LRFN5: variants seen among roughly 807,000 people sequenced by gnomAD.
The protein encoded by LRFN5 is leucine-rich repeat and fibronectin type-III domain-containing protein 5.
In LRFN5, 24 loss-of-function variants were observed where a neutral mutation model predicts 45.6. That is an observed-to-expected ratio of 0.53 (90% CI 0.38 to 0.74). The LOEUF (loss-of-function observed/expected upper bound fraction) is 0.74, where lower values mean the gene tolerates loss of function less well. Ranked by LOEUF, LRFN5 falls within the 30% of genes least tolerant of loss-of-function variation. LRFN5 has a pLI of 0.00. For missense variants in LRFN5, 776 were observed against 861.5 expected (o/e 0.90, Z 1.24); for synonymous variants, 340 against 313.8 (o/e 1.08, Z -0.88).
intron 2 of LRFN5, among the ~76,000 whole-genome samples, chr14:41,839,639 A>G (rs957441032): frequency 3.3e-5 from 5 of 152,128 alleles, no homozygotes; most frequent in Non-Finnish European, 7.4e-5. Flanking sequence ...TGAGCCATTG[A>G]TTTTCTTTAT....
chr14:41,823,856 T>C (rs1408796778), intron 2 of LRFN5, among the ~76,000 whole-genome samples: 1 of 152,152 alleles, frequency 6.6e-6, no homozygotes, highest in Non-Finnish European at 1.5e-5. Context: ...AAAGACTTTG[T>C]TCATTTTTAA....
intron 4 of LRFN5, chr14:41,892,946 C>T (rs1890832048): frequency 2.0e-6 from 2 of 985,090 alleles, no homozygotes; most frequent in Admixed American, 1.2e-4. Context: ...GACAAACATA[C>T]AAGACTGCCT....
At chr14:41,835,919 T>C (rs1888645897) in intron 2 of LRFN5, among the ~76,000 whole-genome samples, 1 of 144,176 alleles carries the variant, frequency 6.9e-6, no homozygotes, top group Non-Finnish European at 1.5e-5. Context: ...TTTTCTTTTC[T>C]TTTTCTTTTT....
intron 1 of LRFN5, among the ~76,000 whole-genome samples, chr14:41,733,986 T>A (rs145587187): frequency 1.0e-4 from 15 of 149,302 alleles, no homozygotes; most frequent in African/African-American, 3.6e-4. Context: ...TCTGATGCTG[T>A]GTTTATATAT....
intron 1 of LRFN5, among the ~76,000 whole-genome samples, chr14:41,669,383 AAAAC>A: frequency 6.6e-6 from 1 of 152,080 alleles, no homozygotes. Flanking sequence ...CTAGAAGTCA[AAAAC>A]AAAACAAAGT....
chr14:41,620,141 A>AG (rs1309681189), intron 1 of LRFN5, among the ~76,000 whole-genome samples: 16 of 152,238 alleles, frequency 1.1e-4, no homozygotes, highest in African/African-American at 3.6e-4. Flanking sequence ...ACAGGACCAA[A>AG]GGGATCTTAT....
chr14:41,756,945 T>C (rs1013889307), intron 1 of LRFN5, among the ~76,000 whole-genome samples: 11 of 152,162 alleles, frequency 7.2e-5, no homozygotes, highest in Non-Finnish European at 1.3e-4. Context: ...GGTGTGGGTG[T>C]CCTTTCTGTT....
chr14:41,860,405 ATCT>A (rs1293302695), intron 2 of LRFN5, among the ~76,000 whole-genome samples: 15 of 152,106 alleles, frequency 9.9e-5, no homozygotes, highest in African/African-American at 3.6e-4. Context: ...TCTTTTTGAT[ATCT>A]TCTTATATAA....
At chr14:41,847,710 T>G (rs1889118275) in intron 2 of LRFN5, among the ~76,000 whole-genome samples, 1 of 152,116 alleles carries the variant, frequency 6.6e-6, no homozygotes, top group African/African-American at 2.4e-5. Context: ...GGAATATATA[T>G]TTTGTTCATT....
At chr14:41,616,421 A>G (rs1887927332) in intron 1 of LRFN5, among the ~76,000 whole-genome samples, 1 of 152,188 alleles carries the variant, frequency 6.6e-6, no homozygotes, top group Admixed American at 6.5e-5. Flanking sequence ...ACATTCTTTC[A>G]GAGAGGAGCC....
chr14:41,792,109 C>T (rs760788063), intron 2 of LRFN5, among the ~76,000 whole-genome samples: 6 of 151,982 alleles, frequency 3.9e-5, no homozygotes, highest in Non-Finnish European at 7.4e-5. Context: ...CCGGGGGTGA[C>T]ATCACATATC....
At chr14:41,680,939 C>T (rs1471873279) in intron 1 of LRFN5, among the ~76,000 whole-genome samples, 1 of 151,862 alleles carries the variant, frequency 6.6e-6, no homozygotes, top group Non-Finnish European at 1.5e-5. Context: ...TTAAAAGAAT[C>T]AAGCAGAAAT....
chr14:41,662,553 C>G (rs966914463), intron 1 of LRFN5, among the ~76,000 whole-genome samples: 1 of 151,872 alleles, frequency 6.6e-6, no homozygotes, highest in African/African-American at 2.4e-5. Flanking sequence ...GTCATTAAAG[C>G]AAGACAGGAG....
Position 41,815,375 on chromosome 14 carries a change from A to G in LRFN5, c.-21+48346A>G, listed in dbSNP as rs559642892. On this transcript the variant is annotated intron_variant, in intron 2 of 5. Transcript: ENST00000298119. ...TAGCTACTCTTGCTTTCTTTGGATT[A>G]GTACTAACATGATGTATGGATCTCC... Among the ~76,000 whole-genome samples, 331 of 152,228 alleles carry G rather than the reference A, an allele frequency of 2.2e-3. 1 individual carries two copies. The highest frequency in any genetic ancestry group is 7.4e-3 in the African/African-American group (308 of 41,542).
At chr14:41,900,030 C>G (rs563537843) in intron 5 of LRFN5, among the ~76,000 whole-genome samples, 1 of 152,184 alleles carries the variant, frequency 6.6e-6, no homozygotes, top group East Asian at 1.9e-4. Flanking sequence ...TCTTATTTCT[C>G]TTTCCATCTC....
chr14:41,678,341 C>A (rs10150353), intron 1 of LRFN5, among the ~76,000 whole-genome samples: 1 of 151,628 alleles, frequency 6.6e-6, no homozygotes, highest in South Asian at 2.1e-4. Context: ...GGTTGAAAAC[C>A]TCTCAAATTT....
chr14:41,667,429 G>GA (rs1880952915), intron 1 of LRFN5, among the ~76,000 whole-genome samples: 1 of 152,116 alleles, frequency 6.6e-6, no homozygotes, highest in Non-Finnish European at 1.5e-5. Context: ...GCTATATCTA[G>GA]CACTTGAAAT....
At chr14:41,856,182 G>T (rs577012718) in intron 2 of LRFN5, among the ~76,000 whole-genome samples, 1 of 152,242 alleles carries the variant, frequency 6.6e-6, no homozygotes, top group African/African-American at 2.4e-5. Flanking sequence ...CAAATGTACT[G>T]TCATTGTGAA....
intron 2 of LRFN5, among the ~76,000 whole-genome samples, chr14:41,857,498 A>G (rs1843562280): frequency 6.6e-6 from 1 of 152,186 alleles, no homozygotes; most frequent in Non-Finnish European, 1.5e-5. Flanking sequence ...TCTACCTTCA[A>G]GTAAGCAAGG....
Sources: gnomAD v4.1 joint callset for allele counts (sites outside exome capture counted in the v4.1 genomes callset) on GRCh38, gnomAD v4.1.1 for gene constraint, MANE v1.5 for transcripts, NCBI Gene and HGNC (gene_info 2026-07-23, HGNC 2026-07-21) for gene names.